Variants in GSE1 observed in about 807,000 individuals in gnomAD.
GSE1 encodes Gse1 coiled-coil protein, also known as genetic suppressor element 1.
Under a neutral mutation model 112.6 loss-of-function variants are expected in GSE1, and 32 were observed. The ratio of observed to expected loss-of-function variants is 0.28; its 90% CI spans 0.21 to 0.38. The LOEUF (loss-of-function observed/expected upper bound fraction) is 0.38, where lower values mean the gene tolerates loss of function less well. GSE1 is among the 10% of genes least tolerant of loss of function. The pLI, the probability that GSE1 is intolerant of heterozygous loss-of-function variation, is 1.00. For synonymous variants in GSE1, 1,115 were observed against 735.6 expected (o/e 1.52, Z -8.35); for missense variants, 2,348 against 1,699.2 (o/e 1.38, Z -6.71).
At chr16:85,612,697 C>T (rs980447179), upstream of GSE1, among the ~76,000 whole-genome samples, 20 of 139,738 alleles carry the variant, frequency 1.4e-4, no homozygotes, top group African/African-American at 5.4e-4. Context: ...TAAGGTCAGG[C>T]ATGGGGGGGG....
chr16:85,281,776 G>A (rs147597054), intron 1 of GSE1, among the ~76,000 whole-genome samples: 1 of 152,190 alleles, frequency 6.6e-6, no homozygotes, highest in Non-Finnish European at 1.5e-5. Context: ...TGGAGAGCAT[G>A]TGCACGGGGT....
At chr16:85,242,205 T>C (rs1597881970) in intron 1 of GSE1, among the ~76,000 whole-genome samples, 1 of 151,780 alleles carries the variant, frequency 6.6e-6, no homozygotes, top group Non-Finnish European at 1.5e-5. Flanking sequence ...CAAAGAAGAG[T>C]GTAATGCCTT....
intron 2 of GSE1, among the ~76,000 whole-genome samples, chr16:85,524,855 G>A (rs2052311808): frequency 6.6e-6 from 1 of 152,154 alleles, no homozygotes; most frequent in African/African-American, 2.4e-5. Context: ...GGGCTTGTCT[G>A]CAGCAGCCCT....
intron 2 of GSE1, among the ~76,000 whole-genome samples, chr16:85,394,997 A>C (rs1212504393): frequency 6.6e-6 from 1 of 152,136 alleles, no homozygotes; most frequent in Non-Finnish European, 1.5e-5. Flanking sequence ...CTTGATGGAC[A>C]AAGACATATA....
At position 85,479,478 on chromosome 16, in the gene GSE1, A is replaced by G. The variant is rs551131307; in HGVS notation, c.2464+121835A>G. On this transcript the variant is annotated intron_variant, in intron 2 of 2. Transcript: ENST00000637419. ...GCCACCATGCCTGGCCAATTTTTGT[A>G]TTTTTAGTAGAGATGGGGTTTCTCC... is the stretch of plus-strand genomic sequence containing the variant. Among the ~76,000 whole-genome samples the G allele has an allele frequency of 4.6e-5, 7 of 151,310 alleles. No homozygotes were observed. The South Asian group carries it at 1.5e-3, about 32-fold the overall frequency.
chr16:85,272,730 TCTTGCTTGTTTG>T (rs1031517083), intron 1 of GSE1, among the ~76,000 whole-genome samples: 23 of 128,852 alleles, frequency 1.8e-4, no homozygotes, highest in East Asian at 2.2e-4. Context: ...GGGCCCTACT[TCTTGCTTGTTTG>T]CTTGCTTGCT....
intron 1 of GSE1, among the ~76,000 whole-genome samples, chr16:85,563,524 C>T (rs1274387999): frequency 6.6e-6 from 1 of 152,118 alleles, no homozygotes; most frequent in Non-Finnish European, 1.5e-5. Flanking sequence ...GAGTAGGGCA[C>T]TGGTGGGGTT....
At chr16:85,554,642 G>A (rs1201920009), upstream of GSE1, among the ~76,000 whole-genome samples, 1 of 152,164 alleles carries the variant, frequency 6.6e-6, no homozygotes, top group East Asian at 1.9e-4. Context: ...ACCAGGGCCG[G>A]CCGGCGTGTG....
intron 1 of GSE1, among the ~76,000 whole-genome samples, chr16:85,249,853 C>T (rs1159894241): frequency 1.3e-5 from 2 of 152,254 alleles, no homozygotes; most frequent in Admixed American, 1.3e-4. Context: ...CACAGCCCAT[C>T]GCTCCAGTTG....
At chr16:85,591,059 C>G (rs965534352) in intron 1 of GSE1, among the ~76,000 whole-genome samples, 1 of 152,216 alleles carries the variant, frequency 6.6e-6, no homozygotes, top group Non-Finnish European at 1.5e-5. Flanking sequence ...GCCCTTTCCT[C>G]CTTACTCTTG....
chr16:85,404,187 A>G (rs1224542497), intron 2 of GSE1, among the ~76,000 whole-genome samples: 1 of 79,592 alleles, frequency 1.3e-5, no homozygotes, highest in African/African-American at 5.5e-5. Context: ...CCTCACCGTT[A>G]CACTCAGGGC....
rs374444727 is a variant in GSE1 at position 85,291,674 on chromosome 16, C to T, written c.2284-65789C>T. On this transcript the variant is annotated intron_variant, in intron 1 of 2. Coordinates refer to the GSE1 transcript ENST00000637419. ...CTGCTGACAGAGCCCAGCTGGGCCC[C>T]TGACCCCGGGGAGACCCTCCCTACA... Among the ~76,000 whole-genome samples the T allele has an allele frequency of 1.6e-4, 24 of 152,286 alleles. No individual in the cohort carries two copies. In the East Asian group the frequency reaches 4.6e-3, roughly 29 times the overall value.
chr16:85,469,717 G>A (rs544448463), intron 2 of GSE1, among the ~76,000 whole-genome samples: 2 of 152,294 alleles, frequency 1.3e-5, no homozygotes, highest in African/African-American at 2.4e-5. Context: ...TCCCTCTCTT[G>A]TCCCCAGTTC....
At chr16:85,614,123 G>A (rs1391932450) in intron 1 of GSE1, among the ~76,000 whole-genome samples, 1 of 102,384 alleles carries the variant, frequency 9.8e-6, no homozygotes, top group African/African-American at 3.8e-5. Flanking sequence ...CCCCAGCCTC[G>A]GAGGTGGGAG....
chr16:85,504,221 C>T (rs1300793070), intron 2 of GSE1, among the ~76,000 whole-genome samples: 1 of 152,218 alleles, frequency 6.6e-6, no homozygotes, highest in Non-Finnish European at 1.5e-5. Context: ...GGGTGTGGAC[C>T]GTCCCTGAGG....
At chr16:85,583,957 T>C (rs1458060080) in intron 1 of GSE1, among the ~76,000 whole-genome samples, 1 of 152,208 alleles carries the variant, frequency 6.6e-6, no homozygotes, top group Non-Finnish European at 1.5e-5. Context: ...AAGCCAGCGT[T>C]CATCACTACC....
intron 2 of GSE1, among the ~76,000 whole-genome samples, chr16:85,371,267 T>G (rs1047330701): frequency 6.6e-6 from 1 of 152,156 alleles, no homozygotes; most frequent in Non-Finnish European, 1.5e-5. Context: ...AAGTGGAAAG[T>G]GCTCCTGCCG....
At chr16:85,214,128 C>T (rs538816734) in intron 1 of GSE1, among the ~76,000 whole-genome samples, 6 of 152,304 alleles carry the variant, frequency 3.9e-5, no homozygotes, top group South Asian at 2.1e-4. Flanking sequence ...GTACGAGTGT[C>T]GGGTTCCGAG....
intron 2 of GSE1, among the ~76,000 whole-genome samples, chr16:85,495,033 T>G (rs1246752435): frequency 6.6e-6 from 1 of 152,352 alleles, no homozygotes; most frequent in South Asian, 2.1e-4. Context: ...CCCAGGAGTT[T>G]CTAGGTCAGG....
Sources: allele counts gnomAD v4.1 joint callset (sites outside exome capture counted in the v4.1 genomes callset), GRCh38; gene constraint gnomAD v4.1.1; transcripts MANE v1.5; gene names NCBI Gene and HGNC (gene_info 2026-07-23, HGNC 2026-07-21).